RGL1: variants seen among roughly 807,000 people sequenced by gnomAD.
The protein encoded by RGL1 is ral guanine nucleotide dissociation stimulator like 1, also known as ral guanine nucleotide dissociation stimulator-like 1.
RGL1 carries 24 observed loss-of-function variants against 95.2 expected under a neutral mutation model. The ratio of observed to expected loss-of-function variants is 0.25; its 90% CI spans 0.18 to 0.35. The LOEUF is 0.35. Among genes scored for constraint, RGL1 ranks in the 10% least tolerant of loss-of-function variants. RGL1 has a pLI of 1.00. For synonymous variants in RGL1, 329 were observed against 344.9 expected (o/e 0.95, Z 0.51); for missense variants, 715 against 936.3 (o/e 0.76, Z 3.08).
intron 2 of RGL1, among the ~76,000 whole-genome samples, chr1:183,766,093 TAAAAA>T (rs111374919): frequency 1.4e-5 from 2 of 142,940 alleles, no homozygotes; most frequent in African/African-American, 5.1e-5. Flanking sequence ...ATAATAAAAT[TAAAAA>T]AAAAAAAGAA....
chr1:183,684,359 T>C (rs1653422961), intron 1 of RGL1, among the ~76,000 whole-genome samples: 1 of 152,204 alleles, frequency 6.6e-6, no homozygotes, highest in Non-Finnish European at 1.5e-5. Flanking sequence ...TTTGTGTGGA[T>C]GACCTTTTTG....
chr1:183,892,221 G>C, intron 9 of RGL1, 60 bp downstream of exon 9: 1 of 1,262,582 alleles, frequency 7.9e-7, no homozygotes, highest in African/African-American at 1.5e-5. Flanking sequence ...TCCATTCAAG[G>C]AAGAGTAGTG....
intron 2 of RGL1, among the ~76,000 whole-genome samples, chr1:183,766,832 TTAGA>T (rs1313620029): frequency 2.0e-5 from 3 of 152,006 alleles, no homozygotes; most frequent in Non-Finnish European, 4.4e-5. Flanking sequence ...CTTAGGAATT[TTAGA>T]TAGATAGAGC....
intron 2 of RGL1, among the ~76,000 whole-genome samples, chr1:183,808,219 C>G (rs1385443400): frequency 2.0e-5 from 3 of 152,342 alleles, no homozygotes; most frequent in Admixed American, 2.0e-4. Context: ...ACTGACTGTT[C>G]TCTTCACTAG....
At chr1:183,666,263 C>T (rs556482538) in intron 1 of RGL1, among the ~76,000 whole-genome samples, 2 of 152,136 alleles carry the variant, frequency 1.3e-5, no homozygotes, top group Admixed American at 1.3e-4. Context: ...CCTCGGCCTC[C>T]GAAAGTGCTG....
intron 2 of RGL1, among the ~76,000 whole-genome samples, chr1:183,793,596 C>T (rs1051392716): frequency 1.3e-5 from 2 of 151,458 alleles, no homozygotes; most frequent in African/African-American, 4.9e-5. Context: ...CAAAACAATC[C>T]CATTGAAAAG....
intron 15 of RGL1, among the ~76,000 whole-genome samples, chr1:183,913,921 A>G (rs766619936): frequency 1.1e-4 from 17 of 152,186 alleles, no homozygotes; most frequent in Non-Finnish European, 1.9e-4. Context: ...CTAAATATTG[A>G]AAGAAAGCCT....
At chr1:183,884,236 T>A (rs1316102639) in intron 6 of RGL1, among the ~76,000 whole-genome samples, 1 of 152,222 alleles carries the variant, frequency 6.6e-6, no homozygotes, top group Non-Finnish European at 1.5e-5. Flanking sequence ...TATTTCAAGA[T>A]CTGAACTGTT....
At chr1:183,761,176 C>A (rs1417068400) in intron 2 of RGL1, among the ~76,000 whole-genome samples, 3 of 152,162 alleles carry the variant, frequency 2.0e-5, no homozygotes, top group Non-Finnish European at 2.9e-5. Context: ...AATGGTGAAT[C>A]CTTTCCAAAA....
intron 1 of RGL1, among the ~76,000 whole-genome samples, chr1:183,670,436 A>G (rs1413220710): frequency 6.6e-6 from 1 of 152,198 alleles, no homozygotes; most frequent in African/African-American, 2.4e-5. Flanking sequence ...ATTTGCTGTC[A>G]GGTAGAGCTC....
At chr1:183,841,743 G>A (rs1289848750) in intron 2 of RGL1, among the ~76,000 whole-genome samples, 4 of 152,132 alleles carry the variant, frequency 2.6e-5, no homozygotes, top group African/African-American at 9.7e-5. Flanking sequence ...TTGTTGCATG[G>A]CAAAGAAATT....
At position 183,926,924 on chromosome 1, in the gene RGL1, A is replaced by G. The variant is rs897139553; in HGVS notation, c.*632A>G. The G allele has an allele frequency of 1.3e-5, 2 of 152,574 alleles. No individual in the cohort carries two copies. The highest frequency in any genetic ancestry group is 4.8e-5 in the African/African-American group (2 of 41,416). The allele number at this position is 152,574 out of a possible 1,614,324, so 9.5% of individuals were successfully genotyped here. A position where few individuals can be genotyped will look rare whatever the true frequency, so the allele number is the denominator to read the frequency against. On this transcript the variant is annotated 3_prime_UTR_variant, in exon 18 of 18. Transcript: ENST00000360851. The stretch of plus-strand genomic sequence containing the variant: ...GGTTTGGATGAGCTGGTGGCCTTCA[A>G]CCTCTGCCTGCATCTGCCACTTTCT...
intron 1 of RGL1, among the ~76,000 whole-genome samples, chr1:183,640,137 A>C (rs1649828242): frequency 6.6e-6 from 1 of 152,146 alleles, no homozygotes; most frequent in South Asian, 2.1e-4. Context: ...GTGCCTGGCC[A>C]AAGGGAAACT....
chr1:183,685,249 A>G (rs900285189), intron 1 of RGL1, among the ~76,000 whole-genome samples: 1 of 152,212 alleles, frequency 6.6e-6, no homozygotes, highest in Admixed American at 6.5e-5. Flanking sequence ...AGTGTGAAAC[A>G]TGGAAAGGAA....
At chr1:183,660,033 G>T (rs1409740200) in intron 1 of RGL1, among the ~76,000 whole-genome samples, 14 of 152,050 alleles carry the variant, frequency 9.2e-5, no homozygotes, top group Admixed American at 3.3e-4. Flanking sequence ...CACCAGGCCT[G>T]CCCTAAAAGA....
intron 3 of RGL1, 63 bp downstream of exon 3, chr1:183,847,837 A>G: frequency 1.5e-6 from 2 of 1,296,092 alleles, no homozygotes; most frequent in Non-Finnish European, 2.2e-6. Context: ...GTGGAGCACG[A>G]GGTTCTGAAT....
intron 2 of RGL1, among the ~76,000 whole-genome samples, chr1:183,825,571 T>C (rs1407293987): frequency 1.3e-5 from 2 of 152,204 alleles, no homozygotes; most frequent in Admixed American, 1.3e-4. Context: ...ATTTTAAAAC[T>C]GAACATTAAT....
At chr1:183,891,089 G>A (rs1247726852) in intron 8 of RGL1, among the ~76,000 whole-genome samples, 1 of 151,936 alleles carries the variant, frequency 6.6e-6, no homozygotes, top group African/African-American at 2.4e-5. Flanking sequence ...TTCATTTAGG[G>A]CCACATATAA....
At chr1:183,901,495 TCAAA>T (rs1668022812) in intron 11 of RGL1, among the ~76,000 whole-genome samples, 1 of 151,972 alleles carries the variant, frequency 6.6e-6, no homozygotes, top group Non-Finnish European at 1.5e-5. Flanking sequence ...AGACTCGGTC[TCAAA>T]CAAAAACAAA....
Sources: gnomAD v4.1 joint callset for allele counts (sites outside exome capture counted in the v4.1 genomes callset) on GRCh38, gnomAD v4.1.1 for gene constraint, MANE v1.5 for transcripts, NCBI Gene and HGNC (gene_info 2026-07-23, HGNC 2026-07-21) for gene names.